Variants in NAALADL2 observed in about 807,000 individuals in gnomAD.
NAALADL2 encodes the protein N-acetylated alpha-linked acidic dipeptidase like 2.
A neutral mutation model predicts 87.2 loss-of-function variants in NAALADL2; 76 were observed. That is an observed-to-expected ratio of 0.87 (90% confidence interval 0.72 to 1.05). The LOEUF (loss-of-function observed/expected upper bound fraction) is 1.05. Ranked by LOEUF, NAALADL2 falls within the 50% of genes least tolerant of loss-of-function variation. The pLI is 0.00. For synonymous variants in NAALADL2, 354 were observed against 331.0 expected, an observed-to-expected ratio of 1.07 and a Z score of -0.75; for missense variants, 1,089 against 945.8, an observed-to-expected ratio of 1.15 and a Z score of -1.99.
intron 5 of NAALADL2, among the ~76,000 whole-genome samples, chr3:175,357,371 A>G (rs192661142): frequency 3.5e-4 from 54 of 152,312 alleles, no homozygotes; most frequent in Non-Finnish European, 6.5e-4. Context: ...ATTCATAGGA[A>G]AATCAGACTT....
rs979517836 is a variant in NAALADL2 at position 174,713,439 on chromosome 3, A to G, written c.-114-24202A>G. On this transcript the variant is annotated intron_variant, in intron 2 of 3. Transcript: ENST00000434257. ...CCACCAACAGTGTAAAAGTGTTCCT[A>G]TTTCTCCACATCCTCTCCAGCACCT... 2.3e-3 allele frequency among the ~76,000 whole-genome samples: 354 copies of G among 152,122 alleles called. 1 individual carries two copies. The highest frequency in any genetic ancestry group is 8.1e-3 in the African/African-American group (336 of 41,518).
rs183537765 is a variant in NAALADL2 at position 174,491,050 on chromosome 3, T to G, written c.-184+50018T>G. On this transcript the variant is annotated intron_variant, in intron 1 of 3. Coordinates refer to the NAALADL2 transcript ENST00000434257. ...TTCTCTGGGAGAACTTAGCCATAAG[T>G]GAATCACCATATGAGAGAGAACATT... Among the ~76,000 whole-genome samples, 23 of 152,166 alleles carry G rather than the reference T, an allele frequency of 1.5e-4. No homozygotes were observed. The East Asian group carries it at 4.1e-3, about 27-fold the overall frequency.
intron 1 of NAALADL2, among the ~76,000 whole-genome samples, chr3:174,906,901 T>G (rs2108281893): frequency 6.6e-6 from 1 of 152,278 alleles, no homozygotes; most frequent in Middle Eastern, 3.4e-3. Context: ...AAAATTTTTC[T>G]TATGTGATCA....
chr3:175,480,882 C>T (rs1316318883), intron 9 of NAALADL2, among the ~76,000 whole-genome samples: 1 of 151,856 alleles, frequency 6.6e-6, no homozygotes, highest in Non-Finnish European at 1.5e-5. Context: ...TGAGAACTAA[C>T]ATAGCTCCTT....
intron 1 of NAALADL2, among the ~76,000 whole-genome samples, chr3:174,978,908 A>G (rs930701821): frequency 3.9e-5 from 6 of 152,204 alleles, no homozygotes; most frequent in African/African-American, 1.4e-4. Flanking sequence ...TTAAAAAGCA[A>G]TATTAACCAG....
chr3:174,977,911 G>C (rs1744572283), intron 1 of NAALADL2, among the ~76,000 whole-genome samples: 1 of 152,056 alleles, frequency 6.6e-6, no homozygotes, highest in Non-Finnish European at 1.5e-5. Context: ...TTTCACTTTT[G>C]GAATATTATA....
intron 3 of NAALADL2, among the ~76,000 whole-genome samples, chr3:174,772,238 T>G (rs937504996): frequency 4.6e-5 from 7 of 152,198 alleles, no homozygotes; most frequent in African/African-American, 1.7e-4. Context: ...TGTTTCTACC[T>G]AAATGACTTA....
At chr3:175,713,233 G>A (rs933058040) in intron 11 of NAALADL2, among the ~76,000 whole-genome samples, 8 of 152,046 alleles carry the variant, frequency 5.3e-5, no homozygotes, top group Non-Finnish European at 1.0e-4. Context: ...AAAATGCTTA[G>A]CAGTTCAAGA....
chr3:175,498,854 A>G (rs1459693212), intron 9 of NAALADL2, among the ~76,000 whole-genome samples: 2 of 152,120 alleles, frequency 1.3e-5, no homozygotes, highest in Non-Finnish European at 2.9e-5. Context: ...TTAAGTTAAA[A>G]GAAGGTCATT....
At chr3:175,248,810 TA>T (rs1399879144) in intron 3 of NAALADL2, among the ~76,000 whole-genome samples, 2 of 152,306 alleles carry the variant, frequency 1.3e-5, no homozygotes, top group African/African-American at 2.4e-5. Context: ...TATGATTTTT[TA>T]TAATCAACTG....
chr3:174,788,226 T>C (rs1430172602), intron 3 of NAALADL2, among the ~76,000 whole-genome samples: 1 of 152,074 alleles, frequency 6.6e-6, no homozygotes, highest in Admixed American at 6.5e-5. Context: ...AGAATTGCAA[T>C]AGAAATCGGA....
chr3:174,770,175 G>A (rs185919563), intron 3 of NAALADL2, among the ~76,000 whole-genome samples: 2 of 152,202 alleles, frequency 1.3e-5, no homozygotes, highest in East Asian at 1.9e-4. Flanking sequence ...TAATACACAA[G>A]CTTGTCTCAG....
At chr3:175,728,160 A>T (rs538806630) in intron 11 of NAALADL2, among the ~76,000 whole-genome samples, 2 of 152,304 alleles carry the variant, frequency 1.3e-5, no homozygotes, top group African/African-American at 4.8e-5. Flanking sequence ...ATGGAAAGGA[A>T]GTGAGACAAA....
intron 1 of NAALADL2, among the ~76,000 whole-genome samples, chr3:175,040,728 C>A (rs1222877446): frequency 1.3e-5 from 2 of 152,120 alleles, no homozygotes; most frequent in Non-Finnish European, 1.5e-5. Flanking sequence ...AAAGTAAAGT[C>A]ATTTATTCAT....
At chr3:175,018,036 A>C (rs1301690437) in intron 1 of NAALADL2, among the ~76,000 whole-genome samples, 1 of 152,028 alleles carries the variant, frequency 6.6e-6, no homozygotes, top group Admixed American at 6.6e-5. Context: ...TGATATTAGC[A>C]TCCAGCACAG....
At chr3:174,913,299 A>G (rs554350773) in intron 1 of NAALADL2, among the ~76,000 whole-genome samples, 2 of 152,154 alleles carry the variant, frequency 1.3e-5, no homozygotes, top group Non-Finnish European at 2.9e-5. Context: ...GTCACCTGCA[A>G]GTATTCTAGT....
intron 1 of NAALADL2, among the ~76,000 whole-genome samples, chr3:175,017,715 A>T (rs951437536): frequency 6.6e-6 from 1 of 151,956 alleles, no homozygotes; most frequent in Non-Finnish European, 1.5e-5. Flanking sequence ...TTGTTTCCCC[A>T]CCTTGGGTAA....
Position 174,561,099 on chromosome 3 carries a change from G to A in NAALADL2, c.-115+10462G>A, listed in dbSNP as rs986773301. On this transcript the variant is annotated intron_variant, in intron 2 of 3. Transcript: ENST00000434257. The stretch of plus-strand genomic sequence containing the variant: ...AACTTTGAATACAGAATGGGTAAGC[G>A]GTAAATTTATAACCCAAGAGCAGGG... Among the ~76,000 whole-genome samples the A allele has an allele frequency of 9.9e-5, 15 of 151,980 alleles. 1 individual carries two copies. Among genetic ancestry groups the A allele is most frequent in the Admixed American group, 6.6e-4 (10 of 15,266 alleles).
At chr3:174,787,612 T>TATACAC (rs1716951125) in intron 3 of NAALADL2, among the ~76,000 whole-genome samples, 2 of 100,534 alleles carry the variant, frequency 2.0e-5, no homozygotes, top group South Asian at 3.9e-4. Flanking sequence ...TATATATATA[T>TATACAC]ATATATATAG....
Sources: gnomAD v4.1 joint callset for allele counts (sites outside exome capture counted in the v4.1 genomes callset) on GRCh38, gnomAD v4.1.1 for gene constraint, MANE v1.5 for transcripts, NCBI Gene and HGNC (gene_info 2026-07-23, HGNC 2026-07-21) for gene names.